The following GNG7 variants were observed in gnomAD, a reference collection of about 807,000 sequenced individuals.
GNG7 encodes the protein G protein subunit gamma 7.
GNG7 carries 1 observed loss-of-function variant against 4.0 expected under a neutral mutation model. The ratio of observed to expected loss-of-function variants is 0.25; its 90% CI spans 0.09 to 1.18. The LOEUF is 1.18. Among genes scored for constraint, GNG7 ranks in the 50% most tolerant of loss-of-function variants. The probability of loss-of-function intolerance (pLI) is 0.50; values close to 1 mark genes in which losing one functional copy is unlikely to be tolerated. For missense variants in GNG7, 86 were observed against 91.9 expected (o/e 0.94, Z 0.26); for synonymous variants, 34 against 36.9 (o/e 0.92, Z 0.29).
In GNG7 at chr19:2,512,032, G is replaced by C. The variant is rs1321040980; in HGVS notation, c.*2990C>G. The C allele has an allele frequency of 1.0e-6, 1 of 985,766 alleles. No individual in the cohort carries two copies. The highest frequency in any genetic ancestry group is 1.2e-6 in the Non-Finnish European group (1 of 829,968). 61.1% of individuals were successfully genotyped at this position (985,766 alleles called of 1,614,324 possible). The stretch of plus-strand genomic sequence containing the variant: ...CGGGGAAGGCCCGTGGGAGACCCAG[G>C]CTACAGAAGGAGAAACGGCCTTCTC... On this transcript the variant is annotated 3_prime_UTR_variant, in exon 5 of 5. Coordinates refer to ENST00000382159, the MANE Select transcript of GNG7 (RefSeq NM_052847.3). The surrounding 1 kb of genome is among the most constrained non-coding windows in gnomAD (Gnocchi z 4.7).
intron 3 of GNG7, among the ~76,000 whole-genome samples, chr19:2,530,258 C>CA (rs1978540317): frequency 6.7e-6 from 1 of 149,274 alleles, no homozygotes; most frequent in African/African-American, 2.5e-5. Context: ...GCTAAAAATA[C>CA]AAAAATTAGC....
At chr19:2,568,600 G>T (rs1037568223) in intron 2 of GNG7, among the ~76,000 whole-genome samples, 8 of 147,504 alleles carry the variant, frequency 5.4e-5, no homozygotes, top group Non-Finnish European at 1.2e-4. Context: ...CACATATATA[G>T]ACATACACAC....
intron 1 of GNG7, among the ~76,000 whole-genome samples, chr19:2,671,891 A>T (rs902199480): frequency 6.6e-6 from 1 of 151,764 alleles, no homozygotes; most frequent in African/African-American, 2.4e-5. Context: ...CTCTACTAAA[A>T]ATACAAAAAA....
In GNG7 at chr19:2,672,976, G is replaced by T. The variant is rs112498931; in HGVS notation, c.-134-26696C>A. ...AGTCCTCCTCAAAACCACTAGGTTG[G>T]CCGGGTGCGGTGGTTCATGCCTGTA... On this transcript the variant is annotated intron_variant, in intron 1 of 4. Transcript: ENST00000382159. 9.0e-3 allele frequency among the ~76,000 whole-genome samples: 1,364 copies of T among 152,152 alleles called. 27 individuals carry two copies. Among genetic ancestry groups the T allele is most frequent in the African/African-American group, 0.032 (1,315 of 41,512 alleles).
chr19:2,615,452 C>T lies in GNG7; in HGVS notation c.-78+30772G>A, dbSNP rs201420826. The stretch of plus-strand genomic sequence containing the variant: ...CTCATCCTATTTTCTTTGTCTTTTC[C>T]GGTTTTTTTTTTTTTTTTTTTTTTT... On this transcript the variant is annotated intron_variant, in intron 2 of 4. Coordinates refer to ENST00000382159, the MANE Select transcript of GNG7 (RefSeq NM_052847.3). Among the ~76,000 whole-genome samples the T allele has an allele frequency of 2.2e-4, 29 of 133,730 alleles. No homozygotes were observed. In the East Asian group the frequency reaches 4.1e-3, roughly 19 times the overall value. The allele number at this position is 133,730 out of a possible 152,430, so 87.7% of individuals were successfully genotyped here.
chr19:2,568,914 TATAC>T (rs201220394), intron 2 of GNG7, among the ~76,000 whole-genome samples: 2,942 of 151,962 alleles, frequency 0.019, 94 homozygotes, highest in African/African-American at 0.067. Flanking sequence ...ACTATACACA[TATAC>T]ATACATATAC....
chr19:2,678,479 T>C (rs1399028824), intron 1 of GNG7, among the ~76,000 whole-genome samples: 1 of 152,196 alleles, frequency 6.6e-6, no homozygotes, highest in Non-Finnish European at 1.5e-5. Flanking sequence ...GATGACATGG[T>C]TGCCACACAG....
rs1304337762 is a variant in GNG7, at chr19:2,564,771, T to C, written c.-77-9583A>G. 1.3e-5 allele frequency among the ~76,000 whole-genome samples: 2 copies of C among 152,050 alleles called. 1 individual carries two copies. The highest frequency in any genetic ancestry group is 2.9e-5 in the Non-Finnish European group (2 of 68,018). Reference sequence around the variant, plus strand: ...GCCTAGCCCTGCAGACACCTTGATCTCAGACTTCTGGCCTCCAAAAGTAGG... The same window carrying C: ...GCCTAGCCCTGCAGACACCTTGATCCCAGACTTCTGGCCTCCAAAAGTAGG... On this transcript the variant is annotated intron_variant, in intron 2 of 4. Transcript: ENST00000382159.
chr19:2,570,506 C>G (rs1980113804), intron 2 of GNG7, among the ~76,000 whole-genome samples: 1 of 152,130 alleles, frequency 6.6e-6, no homozygotes, highest in Non-Finnish European at 1.5e-5. Context: ...GTGGCATCTG[C>G]AAACCTCAGC....
intron 2 of GNG7, among the ~76,000 whole-genome samples, chr19:2,576,786 C>T (rs774722318): frequency 4.5e-4 from 68 of 152,112 alleles, no homozygotes; most frequent in African/African-American, 1.5e-3. Context: ...TGAACGCAAG[C>T]GATCCTGCTG....
chr19:2,661,290 GA>G (rs1167587056), intron 1 of GNG7, among the ~76,000 whole-genome samples: 4 of 47,580 alleles, frequency 8.4e-5, no homozygotes, highest in Admixed American at 4.5e-4. Flanking sequence ...AAGAAAGAAA[GA>G]AAGAAAGAAA....
intron 1 of GNG7, among the ~76,000 whole-genome samples, chr19:2,665,959 G>A (rs566221180): frequency 2.6e-4 from 39 of 152,022 alleles, no homozygotes; most frequent in African/African-American, 8.4e-4. Context: ...TCTGCCTCCC[G>A]GGTTCAAGTG....
intron 3 of GNG7, among the ~76,000 whole-genome samples, chr19:2,530,581 G>A (rs543996670): frequency 6.8e-6 from 1 of 146,690 alleles, no homozygotes; most frequent in South Asian, 2.2e-4. Flanking sequence ...TTAGCTGGAC[G>A]TGGTGGCGGG....
chr19:2,528,092 A>AC (rs1350974618), intron 3 of GNG7, among the ~76,000 whole-genome samples: 2 of 150,278 alleles, frequency 1.3e-5, no homozygotes, highest in African/African-American at 2.5e-5. Flanking sequence ...ACATGGTGAA[A>AC]CCCCCACGTC....
chr19:2,664,162 G>A (rs1453201201), intron 1 of GNG7, among the ~76,000 whole-genome samples: 1 of 152,150 alleles, frequency 6.6e-6, no homozygotes, highest in Non-Finnish European at 1.5e-5. Flanking sequence ...GGCTGTCAGA[G>A]CCCCCTTCCC....
chr19:2,680,144 C>CTTTT (rs775146336), intron 1 of GNG7, among the ~76,000 whole-genome samples: 14 of 118,996 alleles, frequency 1.2e-4, no homozygotes, highest in African/African-American at 3.9e-4. Flanking sequence ...GACCTTGTCT[C>CTTTT]TTTTTTTTTT....
At chr19:2,588,423 G>A (rs993669280) in intron 2 of GNG7, among the ~76,000 whole-genome samples, 9 of 152,162 alleles carry the variant, frequency 5.9e-5, no homozygotes, top group East Asian at 1.9e-4. Flanking sequence ...AGACCTTAAC[G>A]CACGTCATGA....
intron 1 of GNG7, among the ~76,000 whole-genome samples, chr19:2,673,278 C>CA (rs1279263990): frequency 3.2e-5 from 4 of 125,958 alleles, no homozygotes; most frequent in Admixed American, 8.5e-5. Flanking sequence ...CAAAACAAAA[C>CA]AAAACAAAAC....
intron 1 of GNG7, among the ~76,000 whole-genome samples, chr19:2,685,292 G>A (rs576608800): frequency 1.4e-4 from 22 of 152,012 alleles, no homozygotes; most frequent in Non-Finnish European, 2.6e-4. Context: ...ATGGTTAAAC[G>A]GGGAAATTTT....
Sources: gnomAD v4.1 joint callset for allele counts (sites outside exome capture counted in the v4.1 genomes callset) on GRCh38, gnomAD v4.1.1 for gene constraint, Gnocchi (gnomAD v3.1) non-coding constraint, MANE v1.5 for transcripts, NCBI Gene and HGNC (gene_info 2026-07-23, HGNC 2026-07-21) for gene names.